The following STX3 variants were observed in gnomAD, a reference collection of about 807,000 sequenced individuals.
The protein encoded by STX3 is syntaxin-3.
A neutral mutation model predicts 40.2 loss-of-function variants in STX3; 19 were observed. The ratio of observed to expected loss-of-function variants is 0.47; its 90% CI spans 0.33 to 0.69. STX3 has a LOEUF of 0.69. Among genes scored for constraint, STX3 ranks in the 30% least tolerant of loss-of-function variants. The pLI, the probability that STX3 is intolerant of heterozygous loss-of-function variation, is 0.02. For missense variants in STX3, 364 were observed against 366.7 expected, an observed-to-expected ratio of 0.99 and a Z score of 0.06; for synonymous variants, 122 against 132.2, an observed-to-expected ratio of 0.92 and a Z score of 0.53.
chr11:59,797,405 A>T lies in STX3; in HGVS notation c.*30+9A>T, dbSNP rs765182942. 19 of 1,607,470 alleles carry T rather than the reference A, an allele frequency of 1.2e-5. No individual in the cohort carries two copies. Among genetic ancestry groups the T allele is most frequent in the Non-Finnish European group, 1.6e-5 (19 of 1,175,092 alleles). ...GGCTGCTGCACTGAAATGTAAGTAA[A>T]CGAGTGGTTCTTGGGGACTCTGGAT... is the stretch of plus-strand genomic sequence containing the variant. On this transcript the variant is annotated intron_variant, in intron 10 of 10. Transcript: ENST00000337979.
At chr11:59,790,677 C>T in intron 5 of STX3, 91 bp downstream of exon 5, 2 of 950,598 alleles carry the variant, frequency 2.1e-6, no homozygotes, top group Non-Finnish European at 3.3e-6. Context: ...TAATACAATC[C>T]TTATTTTGAA....
At chr11:59,798,013 C>A (rs913220287) in intron 10 of STX3, among the ~76,000 whole-genome samples, 1 of 152,212 alleles carries the variant, frequency 6.6e-6, no homozygotes, top group East Asian at 1.9e-4. Flanking sequence ...CAAAGAAACT[C>A]AGTCAAAGAG....
At chr11:59,768,850 A>G (rs1863411489) in intron 1 of STX3, among the ~76,000 whole-genome samples, 2 of 152,150 alleles carry the variant, frequency 1.3e-5, no homozygotes, top group Non-Finnish European at 2.9e-5. Context: ...AAAATACTCT[A>G]TTATTACTAT....
chr11:59,754,834 C>A (rs1262295147), upstream of STX3: 1 of 152,224 alleles, frequency 6.6e-6, no homozygotes, highest in African/African-American at 2.4e-5. Flanking sequence ...CGATTTCCAA[C>A]AAGCAAAAGA....
intron 3 of STX3, 128 bp from the exon 4 acceptor site, chr11:59,788,745 A>T (rs2509730): frequency 0.093 from 61,304 of 662,224 alleles, 5,936 homozygotes; most frequent in African/African-American, 0.4. Flanking sequence ...GGGAGTGCGT[A>T]GGGATAAATA....
intron 1 of STX3, among the ~76,000 whole-genome samples, chr11:59,767,945 G>T (rs541176835): frequency 7.2e-5 from 11 of 152,244 alleles, no homozygotes; most frequent in Non-Finnish European, 1.3e-4. Flanking sequence ...TGAAAGTCCT[G>T]TATCTAAAGA....
rs566935969 is a variant in STX3 at position 59,803,913 on chromosome 11, C to T, written c.*3089C>T. On this transcript the variant is annotated 3_prime_UTR_variant, in exon 11 of 11. Coordinates refer to ENST00000337979, the MANE Select transcript of STX3 (RefSeq NM_004177.5). Reference sequence around the variant, plus strand: ...TGGTACCATCACTTCTCCACGCAGACTCCTCATCAGCTTCTCCTCTTTCCA... The same window carrying T: ...TGGTACCATCACTTCTCCACGCAGATTCCTCATCAGCTTCTCCTCTTTCCA... 1 of 153,312 alleles carries T rather than the reference C, an allele frequency of 6.5e-6. No homozygotes were observed. The highest frequency in any genetic ancestry group is 2.1e-4 in the South Asian group (1 of 4,824). The allele number at this position is 153,312 out of a possible 1,614,324, so 9.5% of individuals were successfully genotyped here. A position where few individuals can be genotyped will look rare whatever the true frequency, so the allele number is the denominator to read the frequency against.
At chr11:59,781,623 C>T (rs967511170) in intron 2 of STX3, 26 of 1,613,454 alleles carry the variant, frequency 1.6e-5, no homozygotes, top group Admixed American at 3.3e-5. Context: ...GCCCATTTTT[C>T]GCAAAGCTAT....
chr11:59,799,423 T>C (rs1309054571), intron 10 of STX3, among the ~76,000 whole-genome samples: 1 of 152,256 alleles, frequency 6.6e-6, no homozygotes, highest in Non-Finnish European at 1.5e-5. Context: ...TTTGTAAATC[T>C]AATTTTCAAT....
chr11:59,764,618 C>T (rs898269112), intron 1 of STX3, among the ~76,000 whole-genome samples: 4 of 152,066 alleles, frequency 2.6e-5, no homozygotes, highest in African/African-American at 9.7e-5. Flanking sequence ...CTGAAATAAG[C>T]GAGAGCGTGT....
At chr11:59,785,692 A>G (rs1025951788) in intron 2 of STX3, among the ~76,000 whole-genome samples, 5 of 152,228 alleles carry the variant, frequency 3.3e-5, no homozygotes, top group Non-Finnish European at 5.9e-5. Context: ...TGAAGTGTCC[A>G]CAGGAAAAGA....
At chr11:59,784,461 T>C (rs549112890) in intron 2 of STX3, among the ~76,000 whole-genome samples, 1 of 152,250 alleles carries the variant, frequency 6.6e-6, no homozygotes, top group East Asian at 1.9e-4. Context: ...GATTCTGAGG[T>C]GGTCACACCC....
At position 59,781,217 on chromosome 11, in the gene STX3, GA is replaced by G. The variant is rs550908057; in HGVS notation, c.115-5810del. 1,343 of 717,526 alleles carry G rather than the reference GA, an allele frequency of 1.9e-3. 2 individuals carry two copies. The highest frequency in any genetic ancestry group is 5.7e-3 in the South Asian group (300 of 52,246). The allele number at this position is 717,526 out of a possible 1,614,324, so 44.4% of individuals were successfully genotyped here. A position where few individuals can be genotyped will look rare whatever the true frequency, so the allele number is the denominator to read the frequency against. Reference sequence around the variant, plus strand: ...GATAAAGATAATTGAACACAGTAATGAAAAAAAAAAGAAAGAAACAGTATGG... The same window carrying G: ...GATAAAGATAATTGAACACAGTAATGAAAAAAAAAGAAAGAAACAGTATGG... On this transcript the variant is annotated intron_variant, in intron 2 of 10. Transcript: ENST00000337979.
chr11:59,800,920 C>T lies in STX3; in HGVS notation c.*96C>T, dbSNP rs1436081983. The T allele has an allele frequency of 1.2e-5, 19 of 1,536,130 alleles. No individual in the cohort carries two copies. Among genetic ancestry groups the T allele is most frequent in the Non-Finnish European group, 1.4e-5 (16 of 1,146,890 alleles). ...TCAGATGAGAATGGAGTCTGAATGGCCTTCCTGAGAGCGAGTGCGACCCGT... is the reference window on the plus strand; with the variant it reads ...TCAGATGAGAATGGAGTCTGAATGGTCTTCCTGAGAGCGAGTGCGACCCGT... On this transcript the variant is annotated 3_prime_UTR_variant, in exon 11 of 11. Coordinates refer to ENST00000337979, the MANE Select transcript of STX3 (RefSeq NM_004177.5).
intron 10 of STX3, 104 bp downstream of exon 10, chr11:59,797,500 A>G: frequency 1.2e-6 from 1 of 810,832 alleles, no homozygotes; most frequent in South Asian, 1.7e-5. Flanking sequence ...TTGTCCTTGG[A>G]CACACTGAGC....
rs1865963317 is a variant in STX3 at position 59,803,203 on chromosome 11, T to C, written c.*2379T>C. ...GTTTCTCATGTATTCTTTCTTTCCT[T>C]GTCTGGATGAGCAGAAGAAGATCAT... On this transcript the variant is annotated 3_prime_UTR_variant, in exon 11 of 11. Coordinates refer to ENST00000337979, the MANE Select transcript of STX3 (RefSeq NM_004177.5). 8.1e-7 allele frequency: 1 copy of C among 1,231,676 alleles called. No homozygotes were observed. The highest frequency in any genetic ancestry group is 1.0e-6 in the Non-Finnish European group (1 of 987,942). 76.3% of individuals were successfully genotyped at this position (1,231,676 alleles called of 1,614,324 possible).
intron 10 of STX3, 58 bp downstream of exon 10, chr11:59,797,454 C>A: frequency 7.7e-7 from 1 of 1,296,610 alleles, no homozygotes; most frequent in Non-Finnish European, 1.1e-6. Flanking sequence ...AGGAAATTAG[C>A]TTGGGATTTC....
intron 2 of STX3, chr11:59,781,800 G>A (rs1257829047): frequency 2.9e-6 from 4 of 1,384,466 alleles, no homozygotes; most frequent in Non-Finnish European, 4.0e-6. Context: ...AAGAGGACTT[G>A]ACTGAGCAGC....
chr11:59,796,113 A>C (rs1319523510), intron 9 of STX3, among the ~76,000 whole-genome samples: 1 of 152,146 alleles, frequency 6.6e-6, no homozygotes, highest in African/African-American at 2.4e-5. Flanking sequence ...TCTACCTTGT[A>C]CCTAGCTCAT....
Sources: allele counts gnomAD v4.1 joint callset (sites outside exome capture counted in the v4.1 genomes callset), GRCh38; gene constraint gnomAD v4.1.1; transcripts MANE v1.5; gene names NCBI Gene and HGNC (gene_info 2026-07-23, HGNC 2026-07-21).